JARID2: variants seen among roughly 807,000 people sequenced by gnomAD.
JARID2 encodes jumonji and AT-rich interaction domain containing 2.
Under a neutral mutation model 125.6 loss-of-function variants are expected in JARID2, and 21 were observed. The observed-to-expected ratio is 0.17, with a 90% CI of 0.12 to 0.24. The LOEUF (loss-of-function observed/expected upper bound fraction) is 0.24. JARID2 is among the 10% of genes least tolerant of loss of function. The probability of loss-of-function intolerance (pLI) is 1.00; values close to 1 mark genes in which losing one functional copy is unlikely to be tolerated. For synonymous variants in JARID2, 736 were observed against 661.6 expected (o/e 1.11, Z -1.73); for missense variants, 1,303 against 1,639.6 (o/e 0.79, Z 3.55).
chr6:15,473,323 G>A (rs972199963), intron 5 of JARID2, among the ~76,000 whole-genome samples: 13 of 152,142 alleles, frequency 8.5e-5, no homozygotes, highest in Non-Finnish European at 1.9e-4. Flanking sequence ...ACGGCAATAG[G>A]ATCTACCCAC....
At chr6:15,298,005 A>G (rs940232287) in intron 1 of JARID2, among the ~76,000 whole-genome samples, 1 of 152,140 alleles carries the variant, frequency 6.6e-6, no homozygotes, top group Non-Finnish European at 1.5e-5. Flanking sequence ...ATCTAAGACA[A>G]TTGAGTCAGG....
rs74475815 is a variant in JARID2, at chr6:15,439,807, T to A, written c.324-12199T>A. On this transcript the variant is annotated intron_variant, in intron 3 of 17. Transcript: ENST00000341776. ...CATTGGATGAGGAGAAGGGCTTGTTTTGATTTCCTCATTCTTCCCAGTCTC... is the reference window on the plus strand; with the variant it reads ...CATTGGATGAGGAGAAGGGCTTGTTATGATTTCCTCATTCTTCCCAGTCTC... 7.2e-3 allele frequency among the ~76,000 whole-genome samples: 1,098 copies of A among 152,320 alleles called. 14 individuals are homozygous for A. Among genetic ancestry groups the A allele is most frequent in the African/African-American group, 0.025 (1,043 of 41,562 alleles).
chr6:15,307,865 A>G (rs1185130601), intron 1 of JARID2, among the ~76,000 whole-genome samples: 2 of 152,244 alleles, frequency 1.3e-5, no homozygotes, highest in African/African-American at 4.8e-5. Flanking sequence ...ATTCTCATGC[A>G]TAATTCATCG....
At chr6:15,367,677 T>TC (rs748079957) in intron 1 of JARID2, among the ~76,000 whole-genome samples, 1 of 152,220 alleles carries the variant, frequency 6.6e-6, no homozygotes, top group African/African-American at 2.4e-5. Context: ...TTACTTCGTT[T>TC]CCCCCATACC....
chr6:15,276,539 GC>G (rs1760528929), intron 1 of JARID2, among the ~76,000 whole-genome samples: 1 of 152,190 alleles, frequency 6.6e-6, no homozygotes, highest in South Asian at 2.1e-4. Flanking sequence ...TTCCAGCTCA[GC>G]CGCTTCCATT....
chr6:15,420,170 C>T (rs543286953), intron 3 of JARID2, among the ~76,000 whole-genome samples: 14 of 152,188 alleles, frequency 9.2e-5, no homozygotes, highest in East Asian at 3.9e-4. Flanking sequence ...TTCGGGAGGC[C>T]GAGGCGGGTG....
Position 15,410,302 on chromosome 6 carries a change from A to C in JARID2, c.260A>C (p.Gln87Pro). The C allele has an allele frequency of 6.2e-7, 1 of 1,614,110 alleles. No individual in the cohort carries two copies. Among genetic ancestry groups the C allele is most frequent in the Non-Finnish European group, 8.5e-7 (1 of 1,179,934 alleles). ...QSENEKDDAS[Q>P]VSSTSNDVSS... ...GAGAATGAAAAGGACGATGCATCCC[A>C]AGTGTCCTCCACTAGCAACGATGTT... is the stretch of plus-strand genomic sequence containing the variant. Residue 87 changes from glutamine to proline, a missense_variant, in exon 3 of 18, where the codon CAA becomes CCA. Around this residue, in one of 11 missense-constraint regions of JARID2, gnomAD observed 93 missense variants for 120.4 expected, o/e 0.77. Coordinates refer to ENST00000341776, the MANE Select transcript of JARID2 (RefSeq NM_004973.4).
chr6:15,450,712 T>A (rs1441371880), intron 3 of JARID2, among the ~76,000 whole-genome samples: 1 of 152,204 alleles, frequency 6.6e-6, no homozygotes, highest in African/African-American at 2.4e-5. Context: ...ATTGCGTGAG[T>A]GGAGACCTTT....
chr6:15,309,283 ATTCTCTATGTGGAGACTGTG>A (rs1273770521), intron 1 of JARID2, among the ~76,000 whole-genome samples: 9 of 151,922 alleles, frequency 5.9e-5, no homozygotes, highest in Non-Finnish European at 1.3e-4. Context: ...GTGCCTCATT[ATTCTCTATGTGGAGACTGTG>A]TTAGTGTCTT....
chr6:15,424,975 C>T (rs1338397752), intron 3 of JARID2, among the ~76,000 whole-genome samples: 3 of 152,178 alleles, frequency 2.0e-5, no homozygotes, highest in African/African-American at 7.2e-5. Flanking sequence ...CCATTTTATT[C>T]TCATAGCAAA....
In JARID2 at chr6:15,451,989, T is replaced by G; in HGVS notation, c.324-17T>G. 6.2e-7 allele frequency: 1 copy of G among 1,610,854 alleles called. No homozygotes were observed. The highest frequency in any genetic ancestry group is 8.5e-7 in the Non-Finnish European group (1 of 1,178,786). On this transcript the variant is annotated splice_polypyrimidine_tract_variant and intron_variant, in intron 3 of 17. Coordinates refer to ENST00000341776, the MANE Select transcript of JARID2 (RefSeq NM_004973.4). ...GTCTCTGCTTAATTTATTTTTAATT[T>G]TCTTTTGCTTTTGCAGGCCCAGGCT...
intron 1 of JARID2, among the ~76,000 whole-genome samples, chr6:15,359,443 G>C (rs1763714841): frequency 6.6e-6 from 1 of 152,034 alleles, no homozygotes; most frequent in Non-Finnish European, 1.5e-5. Flanking sequence ...TTTTTGATTT[G>C]CGGCCGCCTG....
Position 15,508,437 on chromosome 6 carries a change from T to C in JARID2, c.2829T>C (p.Thr943=), listed in dbSNP as rs760551191. The C allele has an allele frequency of 6.3e-6, 10 of 1,583,742 alleles. No homozygotes were observed. The African/African-American group carries it at 1.1e-4, about 17-fold the overall frequency. The change falls in exon 12 of 18, where the codon ACT becomes ACC. Residue 943 remains threonine, a synonymous_variant. Coordinates refer to ENST00000341776, the MANE Select transcript of JARID2 (RefSeq NM_004973.4). ...NHLPYIDYLH[T]GADCIWYCIP... is the part of the protein sequence containing the mutation. ...TTCCATACATTGACTACTTACACACTGGTGCTGACTGCATTTGGTGAGTAC... is the reference window on the plus strand; with the variant it reads ...TTCCATACATTGACTACTTACACACCGGTGCTGACTGCATTTGGTGAGTAC...
intron 2 of JARID2, among the ~76,000 whole-genome samples, chr6:15,407,957 G>A (rs771177791): frequency 2.0e-5 from 3 of 152,004 alleles, no homozygotes; most frequent in Non-Finnish European, 2.9e-5. Context: ...TTCCCACCTT[G>A]TGCTATTGAA....
intron 2 of JARID2, among the ~76,000 whole-genome samples, chr6:15,381,023 TTTATTA>T (rs892381932): frequency 6.6e-6 from 1 of 151,850 alleles, no homozygotes; most frequent in Admixed American, 6.6e-5. Flanking sequence ...ATCATTATCA[TTTATTA>T]TTATTTATTA....
intron 1 of JARID2, among the ~76,000 whole-genome samples, chr6:15,361,740 C>A (rs1018777074): frequency 6.6e-6 from 1 of 152,064 alleles, no homozygotes; most frequent in Non-Finnish European, 1.5e-5. Context: ...TGCAAGAAAC[C>A]TCATTCTGCA....
At chr6:15,269,571 A>AT (rs1760218267) in intron 1 of JARID2, among the ~76,000 whole-genome samples, 2 of 143,550 alleles carry the variant, frequency 1.4e-5, no homozygotes, top group East Asian at 2.1e-4. Flanking sequence ...GCTATTTTAA[A>AT]ATTTTTTTTT....
chr6:15,405,688 GA>G (rs1298104058), intron 2 of JARID2, among the ~76,000 whole-genome samples: 1 of 152,114 alleles, frequency 6.6e-6, no homozygotes, highest in Non-Finnish European at 1.5e-5. Flanking sequence ...GAGGGGGTTG[GA>G]AAAATAAAAA....
chr6:15,376,859 C>T (rs1185354811), intron 2 of JARID2, among the ~76,000 whole-genome samples: 1 of 152,158 alleles, frequency 6.6e-6, no homozygotes. Context: ...GTTTTCGGAG[C>T]ATGATCCAGA....
Sources: gnomAD v4.1 joint callset for allele counts (sites outside exome capture counted in the v4.1 genomes callset) on GRCh38, gnomAD v4.1.1 for gene constraint, gnomAD v4.1.1 regional missense constraint, MANE v1.5 for transcripts, NCBI Gene and HGNC (gene_info 2026-07-23, HGNC 2026-07-21) for gene names.